The following TMCC3 variants were observed in gnomAD, a reference collection of about 807,000 sequenced individuals.
TMCC3 encodes transmembrane and coiled-coil domain family 3, also known as transmembrane and coiled-coil domain protein 3.
Under a neutral mutation model 40.2 loss-of-function variants are expected in TMCC3, and 28 were observed. The ratio of observed to expected loss-of-function variants is 0.70; its 90% confidence interval spans 0.52 to 0.95. The LOEUF (loss-of-function observed/expected upper bound fraction) is 0.95, where lower values mean the gene tolerates loss of function less well. Ranked by LOEUF, TMCC3 falls within the 40% of genes least tolerant of loss-of-function variation. The pLI is 0.00. For missense variants in TMCC3, 554 were observed against 615.2 expected (o/e 0.90, Z 1.05); for synonymous variants, 255 against 248.5 (o/e 1.03, Z -0.25).
At chr12:94,592,661 CAAA>C (rs869058316) in intron 1 of TMCC3, among the ~76,000 whole-genome samples, 9 of 27,500 alleles carry the variant, frequency 3.3e-4, no homozygotes, top group African/African-American at 2.8e-4. Context: ...GGCTCCATCT[CAAA>C]AAAAAAAAAA....
intron 1 of TMCC3, among the ~76,000 whole-genome samples, chr12:94,641,556 T>C (rs576588845): frequency 6.6e-6 from 1 of 152,354 alleles, no homozygotes; most frequent in East Asian, 1.9e-4. Flanking sequence ...ACTCAAGTCC[T>C]GTCTTTCCCC....
chr12:94,631,865 A>G (rs1476538363), intron 1 of TMCC3, among the ~76,000 whole-genome samples: 5 of 152,256 alleles, frequency 3.3e-5, no homozygotes, highest in Admixed American at 3.3e-4. Context: ...TAGTAACATG[A>G]AAAAACAGGT....
At chr12:94,595,608 T>C (rs2068710928) in intron 1 of TMCC3, among the ~76,000 whole-genome samples, 1 of 152,218 alleles carries the variant, frequency 6.6e-6, no homozygotes, top group African/African-American at 2.4e-5. Flanking sequence ...ATGTACTGGA[T>C]GATTTGCAGT....
At chr12:94,640,304 C>T (rs1339449625) in intron 1 of TMCC3, among the ~76,000 whole-genome samples, 1 of 152,224 alleles carries the variant, frequency 6.6e-6, no homozygotes, top group Non-Finnish European at 1.5e-5. Context: ...CCACCTCAGC[C>T]TCCTGAGTAG....
intron 1 of TMCC3, among the ~76,000 whole-genome samples, chr12:94,618,684 T>G (rs1194548739): frequency 2.6e-5 from 4 of 152,194 alleles, no homozygotes; most frequent in Non-Finnish European, 5.9e-5. Flanking sequence ...CTCACATATG[T>G]AGTCTGAACC....
At chr12:94,597,563 G>T (rs1164358321) in intron 1 of TMCC3, among the ~76,000 whole-genome samples, 4 of 152,050 alleles carry the variant, frequency 2.6e-5, no homozygotes, top group African/African-American at 4.8e-5. Flanking sequence ...CCAGCACTCT[G>T]GGAGGCTGAG....
At chr12:94,585,548 T>G (rs1384646578) in intron 1 of TMCC3, among the ~76,000 whole-genome samples, 1 of 151,752 alleles carries the variant, frequency 6.6e-6, no homozygotes, top group Non-Finnish European at 1.5e-5. Flanking sequence ...TACAAAAAAA[T>G]TAGCCAGGCA....
rs866809009 is a variant in TMCC3 at position 94,590,425 on chromosome 12, G to A, written c.79-7887C>T. ...ATGAAGATAAAAAAGCTTACTGCTTGTATTGGAACAATGCCTACGCATTTA... is the reference window on the plus strand; with the variant it reads ...ATGAAGATAAAAAAGCTTACTGCTTATATTGGAACAATGCCTACGCATTTA... On this transcript the variant is annotated intron_variant, in intron 1 of 3. Transcript: ENST00000261226. Among the ~76,000 whole-genome samples the A allele has an allele frequency of 3.0e-4, 46 of 152,220 alleles. No homozygotes were observed. The Middle Eastern group carries it at 0.017, about 56-fold the overall frequency.
Position 94,599,567 on chromosome 12 carries a change from CG to C in TMCC3, c.79-17030del, listed in dbSNP as rs1490599337. 2.5e-3 allele frequency among the ~76,000 whole-genome samples: 335 copies of C among 135,236 alleles called. 1 individual carries two copies. Among genetic ancestry groups the C allele is most frequent in the African/African-American group, 9.1e-3 (322 of 35,344 alleles). 88.7% of individuals were successfully genotyped at this position (135,236 alleles called of 152,430 possible). On this transcript the variant is annotated intron_variant, in intron 1 of 3. Transcript: ENST00000261226. ...AATTTTTAAAAGATACCCCCCCCCC[CG>C]CCCACACACACACACAAGCCTAAGA...
In TMCC3 at chr12:94,648,481, T is replaced by C. The variant is rs541676610; in HGVS notation, c.78+1872A>G. Among the ~76,000 whole-genome samples the C allele has an allele frequency of 6.0e-4, 92 of 152,294 alleles. 1 individual carries two copies. Among genetic ancestry groups the C allele is most frequent in the African/African-American group, 1.9e-3 (78 of 41,560 alleles). Reference sequence around the variant, plus strand: ...ACCTGGTGATCCACCTATCTCGGCCTCTCAAAGTGGTGGGATTACAGGCAT... The same window carrying C: ...ACCTGGTGATCCACCTATCTCGGCCCCTCAAAGTGGTGGGATTACAGGCAT... On this transcript the variant is annotated intron_variant, in intron 1 of 3. Coordinates refer to ENST00000261226, the MANE Select transcript of TMCC3 (RefSeq NM_020698.4).
At chr12:94,618,097 T>C (rs944752435) in intron 1 of TMCC3, among the ~76,000 whole-genome samples, 1 of 152,238 alleles carries the variant, frequency 6.6e-6, no homozygotes, top group Non-Finnish European at 1.5e-5. Context: ...ATGAATATTT[T>C]AAAACTACAA....
At chr12:94,623,045 C>G (rs2068884033) in intron 1 of TMCC3, among the ~76,000 whole-genome samples, 1 of 152,050 alleles carries the variant, frequency 6.6e-6, no homozygotes, top group African/African-American at 2.4e-5. Flanking sequence ...TTCTTCTAGG[C>G]AAGCTTTCTG....
intron 1 of TMCC3, among the ~76,000 whole-genome samples, chr12:94,620,390 C>G (rs762886853): frequency 6.6e-6 from 1 of 151,294 alleles, no homozygotes; most frequent in South Asian, 2.1e-4. Flanking sequence ...CAAGTTTAAG[C>G]GGTTCTCCTG....
chr12:94,649,919 A>C (rs1251849561), intron 1 of TMCC3, among the ~76,000 whole-genome samples: 1 of 151,884 alleles, frequency 6.6e-6, no homozygotes, highest in Non-Finnish European at 1.5e-5. Context: ...CCCCGAGGAC[A>C]GGGAGACAGG....
intron 1 of TMCC3, among the ~76,000 whole-genome samples, chr12:94,606,530 C>T (rs2068784185): frequency 6.6e-6 from 1 of 152,038 alleles, no homozygotes; most frequent in Non-Finnish European, 1.5e-5. Context: ...CCATGCCTGG[C>T]TAATTTTTGT....
At chr12:94,620,032 G>T (rs777382381) in intron 1 of TMCC3, among the ~76,000 whole-genome samples, 1 of 151,912 alleles carries the variant, frequency 6.6e-6, no homozygotes, top group East Asian at 2.0e-4. Flanking sequence ...GCGTGGTGGC[G>T]GGTGCATGTA....
chr12:94,607,374 GAC>G (rs1473071714), intron 1 of TMCC3, among the ~76,000 whole-genome samples: 4 of 152,172 alleles, frequency 2.6e-5, no homozygotes, highest in Non-Finnish European at 5.9e-5. Context: ...AGAGATTAAA[GAC>G]AGGCATAAGA....
chr12:94,648,490 G>T (rs908882913), intron 1 of TMCC3, among the ~76,000 whole-genome samples: 2 of 152,156 alleles, frequency 1.3e-5, no homozygotes, highest in Admixed American at 1.3e-4. Context: ...CTCTCAAAGT[G>T]GTGGGATTAC....
Position 94,572,196 on chromosome 12 carries a change from C to T in TMCC3, c.1132-459G>A, listed in dbSNP as rs181837251. ...TGTATTTTTAGTAGAGATGGGGTTT[C>T]GCCATATTGGCAAGGAAGGTCTCGA... is the stretch of plus-strand genomic sequence containing the variant. On this transcript the variant is annotated intron_variant, in intron 3 of 3. Coordinates refer to ENST00000261226, the MANE Select transcript of TMCC3 (RefSeq NM_020698.4). 9.3e-5 allele frequency among the ~76,000 whole-genome samples: 14 copies of T among 151,252 alleles called. No individual in the cohort carries two copies. The East Asian group carries it at 1.6e-3, about 17-fold the overall frequency.
Sources: allele counts gnomAD v4.1 joint callset (sites outside exome capture counted in the v4.1 genomes callset), GRCh38; gene constraint gnomAD v4.1.1; transcripts MANE v1.5; gene names NCBI Gene and HGNC (gene_info 2026-07-23, HGNC 2026-07-21).